The following FMN2 variants were observed in gnomAD, a reference collection of about 807,000 sequenced individuals.
FMN2 encodes formin 2.
In FMN2, 51 loss-of-function variants were observed where a neutral mutation model predicts 142.3. That is an observed-to-expected ratio of 0.36 (90% CI 0.29 to 0.45). The LOEUF (loss-of-function observed/expected upper bound fraction) is 0.45, where lower values mean the gene tolerates loss of function less well. Ranked by LOEUF, FMN2 falls within the 20% of genes least tolerant of loss-of-function variation. The probability of loss-of-function intolerance (pLI) is 1.00; values close to 1 mark genes in which losing one functional copy is unlikely to be tolerated. For missense variants in FMN2, 1,936 were observed against 2,122.8 expected, an observed-to-expected ratio of 0.91 and a Z score of 1.73; for synonymous variants, 882 against 869.8, an observed-to-expected ratio of 1.01 and a Z score of -0.25.
chr1:240,152,645 G>A (rs1272429490), intron 2 of FMN2, among the ~76,000 whole-genome samples: 1 of 152,148 alleles, frequency 6.6e-6, no homozygotes, highest in African/African-American at 2.4e-5. Context: ...GGATGAGCTA[G>A]GACTAAGCAG....
chr1:240,209,657 C>G (rs1205203475), intron 5 of FMN2, among the ~76,000 whole-genome samples: 4 of 150,210 alleles, frequency 2.7e-5, no homozygotes. Flanking sequence ...GTCATCCCAG[C>G]ACTTTGGGAG....
At chr1:240,333,030 T>C (rs1301262657) in intron 11 of FMN2, among the ~76,000 whole-genome samples, 1 of 152,144 alleles carries the variant, frequency 6.6e-6, no homozygotes, top group African/African-American at 2.4e-5. Flanking sequence ...TTTTTACAAA[T>C]ATAGAAAAAA....
At chr1:240,150,137 C>T (rs1558322519) in intron 2 of FMN2, among the ~76,000 whole-genome samples, 1 of 152,154 alleles carries the variant, frequency 6.6e-6, no homozygotes, top group Non-Finnish European at 1.5e-5. Context: ...AGGTTATATG[C>T]TCCTTTAGCT....
intron 13 of FMN2, among the ~76,000 whole-genome samples, chr1:240,348,964 G>A (rs913109257): frequency 1.3e-5 from 2 of 152,158 alleles, no homozygotes; most frequent in African/African-American, 4.8e-5. Context: ...GGCAGAGTTG[G>A]TGCACAGGGC....
In FMN2 at chr1:240,158,610, G is replaced by A. The variant is rs535691634; in HGVS notation, c.1783-19311G>A. Among the ~76,000 whole-genome samples the A allele has an allele frequency of 3.3e-5, 5 of 151,998 alleles. No individual in the cohort carries two copies. In the East Asian group the frequency reaches 5.8e-4, roughly 18 times the overall value. On this transcript the variant is annotated intron_variant, in intron 2 of 17. Transcript: ENST00000319653. ...CATAACTGCATCTCCCCCCCACCAC[G>A]CCTGAATTTGATCCATCTCCCAATA... is the stretch of plus-strand genomic sequence containing the variant.
intron 16 of FMN2, among the ~76,000 whole-genome samples, chr1:240,447,199 A>T (rs1387739321): frequency 1.3e-5 from 2 of 152,164 alleles, no homozygotes; most frequent in Non-Finnish European, 2.9e-5. Flanking sequence ...AGCTGTAATG[A>T]GACGTTAAGC....
At chr1:240,307,014 T>C (rs1297734728) in intron 8 of FMN2, among the ~76,000 whole-genome samples, 1 of 152,252 alleles carries the variant, frequency 6.6e-6, no homozygotes, top group Non-Finnish European at 1.5e-5. Flanking sequence ...TGCTGAGTAC[T>C]TTTTCTTAAG....
intron 14 of FMN2, among the ~76,000 whole-genome samples, chr1:240,364,772 G>C (rs1387121125): frequency 6.6e-6 from 1 of 152,144 alleles, no homozygotes; most frequent in African/African-American, 2.4e-5. Flanking sequence ...GTTCCATGCT[G>C]TGTCTTCAGC....
At chr1:240,191,591 C>G (rs900233697) in intron 4 of FMN2, among the ~76,000 whole-genome samples, 12 of 152,280 alleles carry the variant, frequency 7.9e-5, no homozygotes, top group Non-Finnish European at 1.8e-4. Context: ...TTATTAAAAT[C>G]TTTGCCATTT....
At chr1:240,316,819 A>G (rs1442684493) in intron 8 of FMN2, among the ~76,000 whole-genome samples, 2 of 152,174 alleles carry the variant, frequency 1.3e-5, no homozygotes, top group Admixed American at 6.5e-5. Context: ...GTTTTCCCCA[A>G]TGATAGCATC....
chr1:240,362,039 A>G (rs1672503165), intron 14 of FMN2, among the ~76,000 whole-genome samples: 1 of 152,208 alleles, frequency 6.6e-6, no homozygotes, highest in Non-Finnish European at 1.5e-5. Flanking sequence ...AACAACAGCT[A>G]GGCTTGTGGA....
chr1:240,204,031 CAT>C (rs1666232204), intron 4 of FMN2, among the ~76,000 whole-genome samples: 1 of 151,970 alleles, frequency 6.6e-6, no homozygotes, highest in African/African-American at 2.4e-5. Context: ...GCCTGAATAA[CAT>C]ATAAATTCTC....
rs772895522 is a variant in FMN2, at chr1:240,093,080, C to T, written c.971C>T (p.Pro324Leu). The stretch of plus-strand genomic sequence containing the variant: ...GACTCGCCCTCCTCCACGGCTTTCC[C>T]ATTTCCCGAGGCCGGGCCGGGGGAG... ...AKDSPSSTAF[P>L]FPEAGPGEEA... is the part of the protein sequence containing the mutation. The change falls in exon 1 of 18, where the codon CCA becomes CTA. Residue 324 changes from proline (P) to leucine (L), a missense_variant. By Grantham distance (98) the Pro-to-Leu change is moderately conservative. This residue lies in a region of FMN2 where 751 missense variants were observed against 791.8 expected (regional missense o/e 0.95). Transcript: ENST00000319653. The T allele has an allele frequency of 2.1e-6, 3 of 1,395,980 alleles. No homozygotes were observed. The highest frequency in any genetic ancestry group is 2.8e-6 in the Non-Finnish European group (3 of 1,084,598). 86.5% of individuals were successfully genotyped at this position (1,395,980 alleles called of 1,614,324 possible). A position where few individuals can be genotyped will look rare whatever the true frequency, so the allele number is the denominator to read the frequency against.
At chr1:240,431,923 TA>T (rs1258548195) in intron 15 of FMN2, among the ~76,000 whole-genome samples, 1 of 151,708 alleles carries the variant, frequency 6.6e-6, no homozygotes. Context: ...TCTATACATT[TA>T]TTTTTTTTCT....
At chr1:240,388,757 G>A (rs1673502112) in intron 14 of FMN2, among the ~76,000 whole-genome samples, 1 of 151,618 alleles carries the variant, frequency 6.6e-6, no homozygotes, top group African/African-American at 2.4e-5. Flanking sequence ...AACTACTCGG[G>A]AGGCTGAGAC....
At chr1:240,456,725 G>A (rs1285330621) in intron 16 of FMN2, among the ~76,000 whole-genome samples, 1 of 152,168 alleles carries the variant, frequency 6.6e-6, no homozygotes, top group African/African-American at 2.4e-5. Flanking sequence ...CAAAGTGCTG[G>A]AATCGTAGGC....
chr1:240,434,322 A>G (rs1572305935), intron 15 of FMN2, among the ~76,000 whole-genome samples: 1 of 152,090 alleles, frequency 6.6e-6, no homozygotes, highest in East Asian at 1.9e-4. Context: ...GATCCTCCAG[A>G]TTTCAGATTT....
At chr1:240,332,037 C>CGT (rs947901430) in intron 11 of FMN2, among the ~76,000 whole-genome samples, 37 of 152,034 alleles carry the variant, frequency 2.4e-4, no homozygotes, top group South Asian at 1.5e-3. Context: ...TCTCTGTGTA[C>CGT]GTGTGTGTGT....
intron 8 of FMN2, among the ~76,000 whole-genome samples, chr1:240,299,239 C>T (rs541440672): frequency 2.0e-5 from 3 of 152,272 alleles, no homozygotes; most frequent in Admixed American, 6.5e-5. Context: ...TGAGCCACCA[C>T]ACATGGCCTG....
Sources: allele counts gnomAD v4.1 joint callset (sites outside exome capture counted in the v4.1 genomes callset), GRCh38; gene constraint gnomAD v4.1.1; regional missense constraint gnomAD v4.1.1; transcripts MANE v1.5; gene names NCBI Gene and HGNC (gene_info 2026-07-23, HGNC 2026-07-21).